MYO16: variants seen among roughly 807,000 people sequenced by gnomAD.
MYO16 encodes the protein myosin XVI.
Under a neutral mutation model 205.3 loss-of-function variants are expected in MYO16, and 94 were observed. The observed-to-expected ratio is 0.46, with a 90% CI of 0.39 to 0.54. MYO16 has a LOEUF of 0.54. MYO16 is among the 20% of genes least tolerant of loss of function. The pLI is 0.00. For missense variants in MYO16, 2,315 were observed against 2,387.5 expected (o/e 0.97, Z 0.63); for synonymous variants, 988 against 954.0 (o/e 1.04, Z -0.66).
Position 109,055,426 on chromosome 13 carries a change from T to C in MYO16, c.3166T>C (p.Cys1056Arg). The change falls in exon 27 of 35, where the codon TGC becomes CGC. Residue 1056 changes from cysteine (C) to arginine (R), a missense_variant. Transcript: ENST00000457511. The surrounding 1 kb of genome is among the most constrained non-coding windows in gnomAD (Gnocchi z 5.0). ...LMDIIGKLQK[C>R]TPHFIHCIRP... ...GGATATTATTGGAAAACTTCAGAAG[T>C]GCACTCCACACTTCATTCATTGCAT... is the stretch of plus-strand genomic sequence containing the variant. 3 of 1,613,026 alleles carry C rather than the reference T, an allele frequency of 1.9e-6. No individual in the cohort carries two copies. The South Asian group carries it at 3.3e-5, about 18-fold the overall frequency.
intron 31 of MYO16, among the ~76,000 whole-genome samples, chr13:109,132,849 G>A (rs1369701306): frequency 6.6e-6 from 1 of 152,148 alleles, no homozygotes; most frequent in Non-Finnish European, 1.5e-5. Flanking sequence ...TTCTCCCCGA[G>A]GATCTGACAG....
intron 20 of MYO16, among the ~76,000 whole-genome samples, chr13:108,966,836 A>G (rs991732740): frequency 6.6e-6 from 1 of 152,176 alleles, no homozygotes; most frequent in Non-Finnish European, 1.5e-5. Context: ...TTGCAGATTT[A>G]TAGGCCCATT....
intron 31 of MYO16, among the ~76,000 whole-genome samples, chr13:109,136,752 C>A (rs1159103631): frequency 1.3e-5 from 2 of 152,212 alleles, no homozygotes; most frequent in Admixed American, 6.5e-5. Context: ...TTTCTTGAGG[C>A]CACCACGCTT....
At chr13:108,997,785 C>T (rs9555536) in intron 21 of MYO16, among the ~76,000 whole-genome samples, 17,684 of 152,074 alleles carry the variant, frequency 0.12, 1,110 homozygotes, top group East Asian at 0.21. Flanking sequence ...TTGCAGTGAG[C>T]GGAGATCGCA....
At chr13:108,651,301 G>A (rs558022352) in intron 1 of MYO16, among the ~76,000 whole-genome samples, 1 of 152,268 alleles carries the variant, frequency 6.6e-6, no homozygotes, top group African/African-American at 2.4e-5. Flanking sequence ...CTGGACAGCT[G>A]GGTCTACTGG....
At chr13:108,954,430 G>GT (rs769068437) in intron 16 of MYO16, among the ~76,000 whole-genome samples, 4 of 152,148 alleles carry the variant, frequency 2.6e-5, no homozygotes, top group East Asian at 1.9e-4. Flanking sequence ...AGGGGTTACA[G>GT]TTTTTTATCA....
chr13:108,851,049 T>G (rs1877836714), intron 10 of MYO16, among the ~76,000 whole-genome samples: 1 of 152,218 alleles, frequency 6.6e-6, no homozygotes, highest in Non-Finnish European at 1.5e-5. Context: ...ATTGTTAGCA[T>G]CGTGACTGTA....
chr13:108,591,780 G>C (rs968702457), upstream of MYO16, among the ~76,000 whole-genome samples: 1 of 152,018 alleles, frequency 6.6e-6, no homozygotes, highest in East Asian at 1.9e-4. Context: ...AAGTTAAATA[G>C]GCTTTTATTT....
chr13:108,855,382 A>G, intron 10 of MYO16, 61 bp from the exon 11 acceptor site: 5 of 1,001,574 alleles, frequency 5.0e-6, no homozygotes, highest in South Asian at 2.1e-5. Context: ...GGAACATCCA[A>G]CTGTGAAGAA....
At chr13:108,538,271 T>C in the MYO16 span, among the ~76,000 whole-genome samples, 2 of 152,130 alleles carry the variant, frequency 1.3e-5, no homozygotes, top group East Asian at 1.9e-4. Flanking sequence ...ATTTAAAGGA[T>C]ACAGAGAGTA....
At chr13:108,763,364 G>T (rs923217188) in intron 4 of MYO16, among the ~76,000 whole-genome samples, 2 of 152,164 alleles carry the variant, frequency 1.3e-5, no homozygotes, top group African/African-American at 4.8e-5. Flanking sequence ...CTCACATGGG[G>T]GATGCCCCAC....
the MYO16 span, among the ~76,000 whole-genome samples, chr13:108,543,921 T>C: frequency 6.7e-6 from 1 of 150,206 alleles, no homozygotes; most frequent in East Asian, 2.0e-4. Context: ...CAAAATTAGC[T>C]GGGTGTGGTG....
At chr13:108,972,558 G>T (rs1884091207) in intron 20 of MYO16, among the ~76,000 whole-genome samples, 1 of 149,800 alleles carries the variant, frequency 6.7e-6, no homozygotes, top group African/African-American at 2.5e-5. Context: ...CAGAGTAGCA[G>T]ATAAGGGAGA....
At chr13:109,025,829 T>C (rs192781108) in intron 23 of MYO16, among the ~76,000 whole-genome samples, 28 of 152,284 alleles carry the variant, frequency 1.8e-4, no homozygotes, top group African/African-American at 6.5e-4. Flanking sequence ...GATGAGCAAA[T>C]AGATTAGGAG....
chr13:109,100,943 G>T, intron 28 of MYO16, 56 bp downstream of exon 28: 1 of 1,481,378 alleles, frequency 6.8e-7, no homozygotes. Flanking sequence ...TAAATGAGCT[G>T]AGTCATTGCA....
chr13:108,761,416 T>C (rs1885604881), intron 4 of MYO16, among the ~76,000 whole-genome samples: 1 of 152,110 alleles, frequency 6.6e-6, no homozygotes, highest in South Asian at 2.1e-4. Context: ...AAAATGCAGA[T>C]AAAAGCTGAG....
chr13:108,800,329 T>C (rs1358754781), intron 6 of MYO16, among the ~76,000 whole-genome samples: 3 of 152,160 alleles, frequency 2.0e-5, no homozygotes, highest in Non-Finnish European at 4.4e-5. Flanking sequence ...TGCCATAAAA[T>C]TGGGAGGAAC....
At chr13:108,923,319 G>A (rs995482628) in intron 16 of MYO16, among the ~76,000 whole-genome samples, 3 of 152,214 alleles carry the variant, frequency 2.0e-5, no homozygotes, top group Non-Finnish European at 2.9e-5. Context: ...AGGAGAGAAG[G>A]GAGCAATTAC....
At chr13:108,726,684 C>T (rs972483962) in intron 3 of MYO16, among the ~76,000 whole-genome samples, 7 of 151,952 alleles carry the variant, frequency 4.6e-5, no homozygotes, top group Non-Finnish European at 7.4e-5. Context: ...AAAGGCAGAA[C>T]ATCAAGGTAC....
Sources: gnomAD v4.1 joint callset for allele counts (sites outside exome capture counted in the v4.1 genomes callset) on GRCh38, gnomAD v4.1.1 for gene constraint, Gnocchi (gnomAD v3.1) non-coding constraint, MANE v1.5 for transcripts, NCBI Gene and HGNC (gene_info 2026-07-23, HGNC 2026-07-21) for gene names.